The following MYO18B variants were observed in gnomAD, a reference collection of about 807,000 sequenced individuals.
MYO18B encodes the protein unconventional myosin-XVIIIb.
Under a neutral mutation model 273.0 loss-of-function variants are expected in MYO18B, and 204 were observed. That is an observed-to-expected ratio of 0.75 (90% CI 0.67 to 0.84). MYO18B has a LOEUF of 0.84. Among genes scored for constraint, MYO18B ranks in the 40% least tolerant of loss-of-function variants. MYO18B has a pLI of 0.00. For synonymous variants in MYO18B, 1,330 were observed against 1,305.7 expected (o/e 1.02, Z -0.40); for missense variants, 3,212 against 3,287.6 (o/e 0.98, Z 0.56).
intron 39 of MYO18B, among the ~76,000 whole-genome samples, chr22:25,968,131 G>C (rs896606472): frequency 3.3e-5 from 5 of 152,148 alleles, no homozygotes; most frequent in Non-Finnish European, 5.9e-5. Flanking sequence ...CAGAAAGAGG[G>C]CCCCTTCCAC....
chr22:25,940,348 G>A (rs1405937842), intron 34 of MYO18B, among the ~76,000 whole-genome samples: 1 of 152,170 alleles, frequency 6.6e-6, no homozygotes, highest in Non-Finnish European at 1.5e-5. Context: ...ACCCATGTAA[G>A]ACATGCCTTT....
At chr22:26,020,010 A>T (rs1158215221) in intron 42 of MYO18B, among the ~76,000 whole-genome samples, 1 of 152,116 alleles carries the variant, frequency 6.6e-6, no homozygotes, top group Non-Finnish European at 1.5e-5. Context: ...CCTTCTGCCC[A>T]GTAGGTGTGT....
At chr22:25,817,388 TCCC>T (rs747153759) in intron 12 of MYO18B, among the ~76,000 whole-genome samples, 4,790 of 129,898 alleles carry the variant, frequency 0.037, 251 homozygotes, top group East Asian at 0.17. Flanking sequence ...CCTCCCTCCC[TCCC>T]TCCCTTCCTT....
chr22:25,908,423 C>A lies in MYO18B; in HGVS notation c.5250C>A (p.Cys1750Ter). The change falls in exon 32 of 44, where the codon TGC (cysteine) becomes TGA (stop). Residue 1750 changes from cysteine to a stop codon, truncating the protein, a stop_gained. Transcript: ENST00000335473. LOFTEE classifies it high-confidence loss of function. ...AACTGGAGGATGTCCGTCAGTCCTG[C>A]CAGAAGCGGGTACGTGAGCAGTGAA... ...EEELEDVRQSCQKRLHQLEMQ... is the reference protein window; with the variant it reads ...EEELEDVRQS The A allele has an allele frequency of 6.3e-7, 1 of 1,587,886 alleles. No individual in the cohort carries two copies. The highest frequency in any genetic ancestry group is 8.6e-7 in the Non-Finnish European group (1 of 1,167,254).
intron 40 of MYO18B, 131 bp downstream of exon 40, chr22:25,992,624 C>A: frequency 8.2e-7 from 1 of 1,224,640 alleles, no homozygotes; most frequent in Non-Finnish European, 1.1e-6. Context: ...TGGAGGCACC[C>A]CTCGTTTACT....
At chr22:25,943,062 G>A (rs544375219) in intron 34 of MYO18B, among the ~76,000 whole-genome samples, 31 of 152,258 alleles carry the variant, frequency 2.0e-4, no homozygotes, top group African/African-American at 7.5e-4. Flanking sequence ...CTGGGCAGAT[G>A]GGAACTGTGT....
rs150657618 is a variant in MYO18B, at chr22:25,992,346, G to A, written c.6157-17G>A. On this transcript the variant is annotated splice_polypyrimidine_tract_variant and intron_variant, in intron 39 of 43. Coordinates refer to ENST00000335473, the MANE Select transcript of MYO18B (RefSeq NM_032608.7). The stretch of plus-strand genomic sequence containing the variant: ...TCTTGCCCAAGGCCAACGTGTGTTT[G>A]CATCTTCTGTCCCCAGGAGAAGTAC... The A allele has an allele frequency of 6.2e-7, 1 of 1,612,858 alleles. No individual in the cohort carries two copies. Among genetic ancestry groups the A allele is most frequent in the South Asian group, 1.1e-5 (1 of 91,030 alleles).
chr22:25,853,936 T>C (rs1461107862), intron 21 of MYO18B, among the ~76,000 whole-genome samples: 3 of 152,210 alleles, frequency 2.0e-5, no homozygotes, highest in Non-Finnish European at 4.4e-5. Flanking sequence ...CTGATAAATA[T>C]TCATTTGCCA....
At chr22:25,815,690 G>C (rs773385367) in intron 12 of MYO18B, among the ~76,000 whole-genome samples, 17 of 152,098 alleles carry the variant, frequency 1.1e-4, no homozygotes, top group Admixed American at 2.0e-4. Context: ...ATTAGTTTGA[G>C]AGACACCCCA....
At chr22:25,827,244 A>T (rs5996983) in intron 14 of MYO18B, among the ~76,000 whole-genome samples, 2,894 of 152,310 alleles carry the variant, frequency 0.019, 112 homozygotes, top group East Asian at 0.14. Flanking sequence ...TTGAAGGGGT[A>T]GAACCGAGAT....
At chr22:25,787,189 T>G (rs2087428264) in intron 11 of MYO18B, among the ~76,000 whole-genome samples, 1 of 151,104 alleles carries the variant, frequency 6.6e-6, no homozygotes, top group South Asian at 2.1e-4. Flanking sequence ...CACTCCAGCG[T>G]GGGAGACAGA....
chr22:25,980,265 C>G (rs1486696428), intron 39 of MYO18B, among the ~76,000 whole-genome samples: 1 of 152,212 alleles, frequency 6.6e-6, no homozygotes, highest in Non-Finnish European at 1.5e-5. Context: ...TCTTTATCAT[C>G]TACATTTTAA....
intron 27 of MYO18B, 88 bp from the exon 28 acceptor site, chr22:25,895,068 G>C (rs1210472004): frequency 6.8e-7 from 1 of 1,473,728 alleles, no homozygotes; most frequent in Non-Finnish European, 9.2e-7. Context: ...TGCATGCCAA[G>C]AGCCAAGAAA....
At chr22:25,800,989 TTTAC>T (rs1310655941) in intron 12 of MYO18B, among the ~76,000 whole-genome samples, 6 of 152,374 alleles carry the variant, frequency 3.9e-5, no homozygotes, top group South Asian at 2.1e-4. Flanking sequence ...TGCCCGATGA[TTTAC>T]TTACTTATAT....
At chr22:25,845,724 C>G (rs2090220901) in intron 18 of MYO18B, among the ~76,000 whole-genome samples, 1 of 152,236 alleles carries the variant, frequency 6.6e-6, no homozygotes, top group African/African-American at 2.4e-5. Context: ...CACGTGCCTA[C>G]TGTGTGCTAG....
At chr22:25,994,610 C>A (rs550184443) in intron 40 of MYO18B, among the ~76,000 whole-genome samples, 2 of 152,368 alleles carry the variant, frequency 1.3e-5, no homozygotes, top group African/African-American at 4.8e-5. Context: ...CTAATTGGCA[C>A]AGCTGCCAAA....
chr22:25,793,089 A>G (rs1484862983), intron 11 of MYO18B, among the ~76,000 whole-genome samples: 1 of 152,192 alleles, frequency 6.6e-6, no homozygotes, highest in South Asian at 2.1e-4. Context: ...GGGTGAAGGC[A>G]TGGAAGGAGA....
At chr22:25,918,847 T>C (rs2092299695) in intron 33 of MYO18B, among the ~76,000 whole-genome samples, 2 of 152,170 alleles carry the variant, frequency 1.3e-5, no homozygotes, top group Admixed American at 1.3e-4. Flanking sequence ...AGTAAGTAAA[T>C]CTGAGTTTAT....
chr22:26,063,793 A>C, the MYO18B span, among the ~76,000 whole-genome samples: 6 of 152,176 alleles, frequency 3.9e-5, no homozygotes, highest in Non-Finnish European at 8.8e-5. Flanking sequence ...TCAAACCATA[A>C]AGGGTTAAGA....
Sources: allele counts gnomAD v4.1 joint callset (sites outside exome capture counted in the v4.1 genomes callset), GRCh38; gene constraint gnomAD v4.1.1; transcripts MANE v1.5; gene names NCBI Gene and HGNC (gene_info 2026-07-23, HGNC 2026-07-21).